The following RANBP2 variants were observed in gnomAD, a reference collection of about 807,000 sequenced individuals.
RANBP2 encodes the protein RAN binding protein 2.
RANBP2 carries 57 observed loss-of-function variants against 303.6 expected under a neutral mutation model. The ratio of observed to expected loss-of-function variants is 0.19; its 90% CI spans 0.15 to 0.23. The LOEUF (loss-of-function observed/expected upper bound fraction) is 0.23. RANBP2 is among the 10% of genes least tolerant of loss of function. The pLI, the probability that RANBP2 is intolerant of heterozygous loss-of-function variation, is 1.00. For synonymous variants in RANBP2, 1,167 were observed against 1,301.5 expected (o/e 0.90, Z 2.23); for missense variants, 3,138 against 3,780.8 (o/e 0.83, Z 4.46).
chr2:109,760,948 C>G, the RANBP2 span, among the ~76,000 whole-genome samples: 1 of 129,720 alleles, frequency 7.7e-6, no homozygotes. Flanking sequence ...GATGCGTGGC[C>G]GCCTGCCTGT....
chr2:109,399,274 G>A, the RANBP2 span, among the ~76,000 whole-genome samples: 4,718 of 152,252 alleles, frequency 0.031, 237 homozygotes, highest in African/African-American at 0.11. Flanking sequence ...TTATGTCCTG[G>A]AAGAGTCTTG....
At chr2:109,283,578 A>T in the RANBP2 span, among the ~76,000 whole-genome samples, 4 of 152,156 alleles carry the variant, frequency 2.6e-5, no homozygotes, top group Non-Finnish European at 5.9e-5. Context: ...ATGGGGGCAC[A>T]CTTCAGCCCC....
chr2:109,272,578 C>T, the RANBP2 span, among the ~76,000 whole-genome samples: 356 of 152,338 alleles, frequency 2.3e-3, 1 homozygote, highest in Middle Eastern at 0.014. Flanking sequence ...AGGCTCAGAG[C>T]GCTCGTTCCT....
chr2:109,015,315 C>G, the RANBP2 span, among the ~76,000 whole-genome samples: 1 of 152,020 alleles, frequency 6.6e-6, no homozygotes, highest in Non-Finnish European at 1.5e-5. Flanking sequence ...ACCCCTCATC[C>G]TCTTCCTCCT....
chr2:108,861,765 G>A, the RANBP2 span, among the ~76,000 whole-genome samples: 146 of 152,258 alleles, frequency 9.6e-4, 2 homozygotes, highest in South Asian at 0.011. Context: ...ACAGGCGTGA[G>A]CCACCGCGCC....
chr2:108,868,918 T>G, the RANBP2 span, among the ~76,000 whole-genome samples: 1 of 151,790 alleles, frequency 6.6e-6, no homozygotes, highest in Non-Finnish European at 1.5e-5. Context: ...AAAAATGAAA[T>G]TTTTTTCTAT....
At chr2:109,163,255 A>C in the RANBP2 span, among the ~76,000 whole-genome samples, 4 of 152,192 alleles carry the variant, frequency 2.6e-5, no homozygotes, top group African/African-American at 9.7e-5. Context: ...TGTTGACTGT[A>C]GGGCTCTGCC....
At chr2:109,532,577 CCTT>C in the RANBP2 span, among the ~76,000 whole-genome samples, 1 of 152,060 alleles carries the variant, frequency 6.6e-6, no homozygotes, top group Non-Finnish European at 1.5e-5. Context: ...AGGGCTTGCT[CCTT>C]ATTTCTCTCA....
chr2:109,613,688 G>C, the RANBP2 span: 1 of 729,872 alleles, frequency 1.4e-6, no homozygotes. Context: ...GGCCGGAGGG[G>C]GCGCGGGTCA....
At chr2:109,639,538 G>C in the RANBP2 span, among the ~76,000 whole-genome samples, 1 of 151,790 alleles carries the variant, frequency 6.6e-6, no homozygotes, top group Admixed American at 6.6e-5. Context: ...AGAATCGCTT[G>C]AACCCAGGAG....
chr2:109,380,179 ATAGG>A, the RANBP2 span, among the ~76,000 whole-genome samples: 3 of 152,178 alleles, frequency 2.0e-5, no homozygotes, highest in Non-Finnish European at 4.4e-5. Context: ...TCCAGCAAAA[ATAGG>A]TAGGTGCCTA....
In RANBP2 at chr2:108,763,668, C is replaced by G. The variant is rs201783367; in HGVS notation, c.3129C>G (p.Asp1043Glu). ...CAAATTTCAAATCAAATGATGGTGA[C>G]TTCACGTTTTCCTCACCACAGGTTG... ...FNSNFKSNDG[D>E]FTFSSPQVVT... The change falls in exon 20 of 29, where the codon GAC becomes GAG. Residue 1043 changes from aspartate to glutamate, a missense_variant. This residue lies in a region of RANBP2 where 403 missense variants were observed against 376.7 expected (regional missense o/e 1.07). Coordinates refer to ENST00000283195, the MANE Select transcript of RANBP2 (RefSeq NM_006267.5). 1.2e-5 allele frequency: 20 copies of G among 1,613,978 alleles called. No individual in the cohort carries two copies. In the African/African-American group the frequency reaches 2.7e-4, roughly 22 times the overall value.
chr2:109,456,876 G>A, the RANBP2 span, among the ~76,000 whole-genome samples: 5 of 152,344 alleles, frequency 3.3e-5, no homozygotes, highest in Admixed American at 6.5e-5. Context: ...GGGGAGAATA[G>A]CCTAGGGCTC....
At chr2:108,866,154 A>G in the RANBP2 span, among the ~76,000 whole-genome samples, 2 of 152,264 alleles carry the variant, frequency 1.3e-5, no homozygotes, top group African/African-American at 4.8e-5. Context: ...GAATTTGGCC[A>G]TGGGGATTGT....
At chr2:109,721,798 G>A in the RANBP2 span, among the ~76,000 whole-genome samples, 8 of 152,204 alleles carry the variant, frequency 5.3e-5, no homozygotes, top group Non-Finnish European at 1.5e-5. Context: ...CATGGGTGCA[G>A]CTGGCAAGGT....
chr2:108,823,389 A>G, the RANBP2 span, among the ~76,000 whole-genome samples: 1 of 152,238 alleles, frequency 6.6e-6, no homozygotes, highest in Non-Finnish European at 1.5e-5. Flanking sequence ...CCTCAACAAA[A>G]TAGTACCAAA....
At chr2:108,919,772 C>T in the RANBP2 span, among the ~76,000 whole-genome samples, 4 of 152,184 alleles carry the variant, frequency 2.6e-5, no homozygotes, top group Admixed American at 6.5e-5. Context: ...AGCGAGGCTC[C>T]GTGGGGCACC....
intron 12 of RANBP2, 119 bp from the exon 13 acceptor site, chr2:108,752,879 A>G (rs1676012925): frequency 6.3e-7 from 1 of 1,588,074 alleles, no homozygotes; most frequent in East Asian, 2.3e-5. Flanking sequence ...ACAAATGACT[A>G]TTGAGATACC....
At chr2:109,276,878 G>A in the RANBP2 span, among the ~76,000 whole-genome samples, 1 of 150,490 alleles carries the variant, frequency 6.6e-6, no homozygotes, top group Non-Finnish European at 1.5e-5. Context: ...AATTCACATG[G>A]AAAAAAAAAT....
Sources: gnomAD v4.1 joint callset for allele counts (sites outside exome capture counted in the v4.1 genomes callset) on GRCh38, gnomAD v4.1.1 for gene constraint, gnomAD v4.1.1 regional missense constraint, MANE v1.5 for transcripts, NCBI Gene and HGNC (gene_info 2026-07-23, HGNC 2026-07-21) for gene names.